Variants in PPP2R2B observed in about 807,000 individuals in gnomAD.
The protein encoded by PPP2R2B is protein phosphatase 2 regulatory subunit Bbeta.
A neutral mutation model predicts 46.0 loss-of-function variants in PPP2R2B; 5 were observed. The ratio of observed to expected loss-of-function variants is 0.11; its 90% confidence interval spans 0.06 to 0.23. PPP2R2B has a LOEUF of 0.23. Ranked by LOEUF, PPP2R2B falls within the 10% of genes least tolerant of loss-of-function variation. The probability of loss-of-function intolerance (pLI) is 1.00; values close to 1 mark genes in which losing one functional copy is unlikely to be tolerated. For missense variants in PPP2R2B, 367 were observed against 575.0 expected (o/e 0.64, Z 3.70); for synonymous variants, 215 against 206.7 (o/e 1.04, Z -0.34).
At position 146,698,119 on chromosome 5, in the gene PPP2R2B, C is replaced by A. The variant is rs1389105487; in HGVS notation, c.194G>T (p.Gly65Val). The stretch of plus-strand genomic sequence containing the variant: ...GAATGTGCTGTAAACATTGTATTCA[C>A]CCCTACGATGAACCTGATTTTTACT... ...QESKNQVHRR[G>V]EYNVYSTFQS... Residue 65 changes from glycine to valine, a missense_variant, in exon 4 of 10, where the codon GGT becomes GTT. This residue lies in a region of PPP2R2B where 361 missense variants were observed against 545.5 expected (regional missense o/e 0.66). Transcript: ENST00000394411. The A allele has an allele frequency of 6.2e-7, 1 of 1,600,658 alleles. No homozygotes were observed. The highest frequency in any genetic ancestry group is 8.5e-7 in the Non-Finnish European group (1 of 1,175,506).
At chr5:146,653,244 C>T (rs746678601) in intron 5 of PPP2R2B, among the ~76,000 whole-genome samples, 12 of 152,108 alleles carry the variant, frequency 7.9e-5, no homozygotes, top group Non-Finnish European at 1.5e-4. Context: ...ATTGAAATAT[C>T]ACACAGGGTA....
intron 1 of PPP2R2B, among the ~76,000 whole-genome samples, chr5:147,032,641 A>AATATAGTC (rs1344317479): frequency 6.6e-6 from 1 of 152,168 alleles, no homozygotes; most frequent in African/African-American, 2.4e-5. Flanking sequence ...CTTCACTTAG[A>AATATAGTC]ATATAGTCTC....
chr5:147,045,168 G>A (rs2151899073), intron 1 of PPP2R2B, among the ~76,000 whole-genome samples: 1 of 152,272 alleles, frequency 6.6e-6, no homozygotes, highest in South Asian at 2.1e-4. Context: ...GTAACAGTAA[G>A]GACTGTTTCT....
rs533496881 is a variant in PPP2R2B at position 146,757,411 on chromosome 5, G to C, written c.71-56269C>G. The stretch of plus-strand genomic sequence containing the variant: ...TAGGGTGAGGATTGTGGAACGGAGG[G>C]ACCACAGTAGGAACACAAAAATAGA... On this transcript the variant is annotated intron_variant, in intron 2 of 9. Coordinates refer to ENST00000394411, the MANE Select transcript of PPP2R2B (RefSeq NM_181675.4). Among the ~76,000 whole-genome samples, 11 of 152,240 alleles carry C rather than the reference G, an allele frequency of 7.2e-5. No homozygotes were observed. In the South Asian group the frequency reaches 2.3e-3, roughly 32 times the overall value.
At chr5:146,739,753 A>G (rs1016774832) in intron 2 of PPP2R2B, among the ~76,000 whole-genome samples, 10 of 152,166 alleles carry the variant, frequency 6.6e-5, no homozygotes, top group Admixed American at 6.5e-5. Context: ...ATCTGCTTCC[A>G]TTTCTATCCT....
chr5:146,683,094 A>C (rs1463077265), intron 5 of PPP2R2B, among the ~76,000 whole-genome samples: 1 of 152,024 alleles, frequency 6.6e-6, no homozygotes, highest in East Asian at 1.9e-4. Context: ...ATTCTGAGTC[A>C]CTTGGTTGGA....
At chr5:146,761,308 T>C (rs1391361825) in intron 2 of PPP2R2B, among the ~76,000 whole-genome samples, 2 of 152,158 alleles carry the variant, frequency 1.3e-5, no homozygotes, top group African/African-American at 2.4e-5. Flanking sequence ...ATGTGGCACA[T>C]ATACACCATG....
chr5:146,787,973 T>C (rs1413934541), intron 2 of PPP2R2B, among the ~76,000 whole-genome samples: 2 of 152,184 alleles, frequency 1.3e-5, no homozygotes, highest in African/African-American at 2.4e-5. Flanking sequence ...CTCTCTACTA[T>C]AGTTAAGGAG....
At chr5:146,807,831 C>CTTTTTT (rs1554139359) in intron 2 of PPP2R2B, among the ~76,000 whole-genome samples, 1 of 73,872 alleles carries the variant, frequency 1.4e-5, no homozygotes, top group African/African-American at 4.6e-5. Flanking sequence ...GACAGTTTTG[C>CTTTTTT]TCTTGTTGCC....
chr5:146,953,629 T>C (rs1174492094), intron 1 of PPP2R2B, among the ~76,000 whole-genome samples: 1 of 152,128 alleles, frequency 6.6e-6, no homozygotes, highest in Non-Finnish European at 1.5e-5. Context: ...TCCCACCAAG[T>C]GAAGAAGTTA....
intron 1 of PPP2R2B, among the ~76,000 whole-genome samples, chr5:146,938,865 C>T (rs1282233199): frequency 6.8e-6 from 1 of 147,876 alleles, no homozygotes; most frequent in African/African-American, 2.5e-5. Flanking sequence ...ACTGCAACCT[C>T]CACCTCCCAG....
chr5:146,984,220 T>C (rs1753316449), intron 1 of PPP2R2B, among the ~76,000 whole-genome samples: 1 of 152,208 alleles, frequency 6.6e-6, no homozygotes, highest in African/African-American at 2.4e-5. Flanking sequence ...TACTGAGACT[T>C]TGTATGCTCT....
At chr5:146,640,220 C>A (rs1214296755) in intron 6 of PPP2R2B, among the ~76,000 whole-genome samples, 2 of 152,304 alleles carry the variant, frequency 1.3e-5, no homozygotes, top group African/African-American at 2.4e-5. Context: ...CTATTGGGTT[C>A]TTTCTAAAAT....
At chr5:147,054,204 G>A (rs1283590611) in intron 1 of PPP2R2B, among the ~76,000 whole-genome samples, 2 of 152,168 alleles carry the variant, frequency 1.3e-5, no homozygotes, top group Non-Finnish European at 2.9e-5. Context: ...CAGCAACTGA[G>A]TAGACCAAGT....
chr5:146,598,422 T>G (rs1441762820), intron 8 of PPP2R2B, among the ~76,000 whole-genome samples: 1 of 152,212 alleles, frequency 6.6e-6, no homozygotes, highest in East Asian at 1.9e-4. Flanking sequence ...ATACTAATTG[T>G]CTAGAAGATC....
intron 1 of PPP2R2B, among the ~76,000 whole-genome samples, chr5:146,956,472 A>C (rs1751915408): frequency 6.6e-6 from 1 of 152,202 alleles, no homozygotes; most frequent in East Asian, 1.9e-4. Context: ...ATCTTGGGGA[A>C]AAATATATCC....
chr5:146,757,750 T>C (rs972734448), intron 2 of PPP2R2B, among the ~76,000 whole-genome samples: 5 of 152,170 alleles, frequency 3.3e-5, no homozygotes, highest in South Asian at 4.1e-4. Context: ...ACTTAGACTA[T>C]CCTGTGGAAC....
At chr5:146,837,950 G>T (rs1281282164) in intron 2 of PPP2R2B, among the ~76,000 whole-genome samples, 1 of 152,164 alleles carries the variant, frequency 6.6e-6, no homozygotes, top group African/African-American at 2.4e-5. Flanking sequence ...GGGCATGTTT[G>T]TTCCCTAGCA....
chr5:146,657,836 G>T (rs1307397028), intron 5 of PPP2R2B, among the ~76,000 whole-genome samples: 2 of 152,118 alleles, frequency 1.3e-5, no homozygotes, highest in African/African-American at 4.8e-5. Context: ...CCTTGTTAGT[G>T]TTCAACAGAT....
Sources: allele counts gnomAD v4.1 joint callset (sites outside exome capture counted in the v4.1 genomes callset), GRCh38; gene constraint gnomAD v4.1.1; regional missense constraint gnomAD v4.1.1; transcripts MANE v1.5; gene names NCBI Gene and HGNC (gene_info 2026-07-23, HGNC 2026-07-21).